Variants in SAMD3 observed in about 807,000 individuals in gnomAD.
The protein encoded by SAMD3 is sterile alpha motif domain containing 3.
SAMD3 carries 63 observed loss-of-function variants against 58.5 expected under a neutral mutation model. The observed-to-expected ratio is 1.08, with a 90% CI of 0.88 to 1.33. SAMD3 has a LOEUF of 1.33. Ranked by LOEUF, SAMD3 falls within the 40% of genes most tolerant of loss-of-function variation. SAMD3 has a pLI of 0.00. For missense variants in SAMD3, 604 were observed against 608.4 expected (o/e 0.99, Z 0.08); for synonymous variants, 220 against 210.3 (o/e 1.05, Z -0.40).
chr6:130,253,243 C>G (rs1336675349), intron 2 of SAMD3, among the ~76,000 whole-genome samples: 1 of 152,042 alleles, frequency 6.6e-6, no homozygotes, highest in East Asian at 1.9e-4. Flanking sequence ...AATAAGTGAG[C>G]TCTTTTTCTT....
At chr6:130,301,850 A>C (rs1469475846) in intron 2 of SAMD3, among the ~76,000 whole-genome samples, 2 of 152,220 alleles carry the variant, frequency 1.3e-5, no homozygotes, top group Admixed American at 6.6e-5. Flanking sequence ...CAATGGAGGA[A>C]GGACATCTTA....
chr6:130,227,186 C>A (rs1796404855), upstream of SAMD3, among the ~76,000 whole-genome samples: 1 of 152,144 alleles, frequency 6.6e-6, no homozygotes, highest in Non-Finnish European at 1.5e-5. Flanking sequence ...ATGAATTTGA[C>A]TATTTTAGGT....
intron 2 of SAMD3, among the ~76,000 whole-genome samples, chr6:130,245,927 A>T (rs968566203): frequency 6.6e-6 from 1 of 152,178 alleles, no homozygotes; most frequent in African/African-American, 2.4e-5. Flanking sequence ...AGGATGGGAA[A>T]GGTGCAATAG....
chr6:130,192,753 A>G (rs1047619238), intron 5 of SAMD3, among the ~76,000 whole-genome samples: 1 of 152,128 alleles, frequency 6.6e-6, no homozygotes, highest in Non-Finnish European at 1.5e-5. Flanking sequence ...CCCTTGGGAG[A>G]TCAATCCCCT....
intron 2 of SAMD3, among the ~76,000 whole-genome samples, chr6:130,268,286 G>C (rs952354976): frequency 1.4e-4 from 21 of 152,132 alleles, no homozygotes; most frequent in African/African-American, 4.8e-4. Flanking sequence ...GCTATACAAT[G>C]TGTTTATATT....
intron 2 of SAMD3, among the ~76,000 whole-genome samples, chr6:130,262,074 T>G (rs910207425): frequency 1.4e-5 from 2 of 147,424 alleles, no homozygotes; most frequent in African/African-American, 5.3e-5. Context: ...AAAAAAAAAA[T>G]GGTGTACCCT....
intron 1 of SAMD3, among the ~76,000 whole-genome samples, chr6:130,330,233 G>A (rs916764393): frequency 6.6e-6 from 1 of 152,122 alleles, no homozygotes; most frequent in African/African-American, 2.4e-5. Context: ...TAAATTTGAG[G>A]TGGATAACAA....
At chr6:130,365,405 C>A (rs1396660969) in exon 1 of SAMD3, 25 of 985,336 alleles carry the variant, frequency 2.5e-5, no homozygotes, top group Non-Finnish European at 2.8e-5. Context: ...GTGGACGGAG[C>A]GGGCCTTGGC....
chr6:130,145,493 G>A, intron 10 of SAMD3, 71 bp from the exon 11 acceptor site: 1 of 1,000,422 alleles, frequency 1.0e-6, no homozygotes, highest in South Asian at 1.6e-5. Context: ...AGCTAGTATT[G>A]AAACATCTGG....
chr6:130,260,595 A>C (rs1360883750), intron 2 of SAMD3, among the ~76,000 whole-genome samples: 1 of 152,184 alleles, frequency 6.6e-6, no homozygotes, highest in Middle Eastern at 3.2e-3. Context: ...TTTTGTCTGC[A>C]GCTGGCCCTG....
intron 1 of SAMD3, among the ~76,000 whole-genome samples, chr6:130,217,004 G>A (rs1361227677): frequency 6.6e-6 from 1 of 152,148 alleles, no homozygotes; most frequent in East Asian, 1.9e-4. Context: ...TGGATAAAAG[G>A]AAATTTGAAA....
chr6:130,263,707 G>A (rs1774227446), intron 2 of SAMD3, among the ~76,000 whole-genome samples: 1 of 152,100 alleles, frequency 6.6e-6, no homozygotes, highest in African/African-American at 2.4e-5. Context: ...TGCTTGCCTT[G>A]TGGAGACTTG....
chr6:130,250,265 C>T (rs1773695789), intron 2 of SAMD3, among the ~76,000 whole-genome samples: 3 of 152,112 alleles, frequency 2.0e-5, no homozygotes, highest in Non-Finnish European at 2.9e-5. Context: ...TGACATCTTC[C>T]AAAGCTTTCC....
At chr6:130,287,359 C>A (rs1372674415) in intron 2 of SAMD3, among the ~76,000 whole-genome samples, 1 of 152,136 alleles carries the variant, frequency 6.6e-6, no homozygotes, top group Non-Finnish European at 1.5e-5. Context: ...GCCTAGCATT[C>A]TTGCATTTAG....
chr6:130,205,115 A>T (rs1007035827), intron 5 of SAMD3, among the ~76,000 whole-genome samples: 3 of 148,820 alleles, frequency 2.0e-5, no homozygotes, highest in East Asian at 4.0e-4. Flanking sequence ...CTAGCCTGTT[A>T]TGGAGGAATG....
chr6:130,195,273 T>C (rs4435964), intron 5 of SAMD3, among the ~76,000 whole-genome samples: 116,133 of 151,846 alleles, frequency 0.76, 44,829 homozygotes, highest in African/African-American at 0.85. Flanking sequence ...TGACCGATTA[T>C]GCACCCCTTA....
chr6:130,154,151 AC>A (rs932341561), intron 9 of SAMD3, among the ~76,000 whole-genome samples: 11 of 151,714 alleles, frequency 7.3e-5, no homozygotes, highest in African/African-American at 2.7e-4. Flanking sequence ...ATGATCCGCC[AC>A]CCTCCACAAT....
At chr6:130,184,812 A>T (rs183838172) in intron 5 of SAMD3, among the ~76,000 whole-genome samples, 189 bp from the exon 6 acceptor site, 15 of 152,370 alleles carry the variant, frequency 9.8e-5, no homozygotes, top group Non-Finnish European at 1.6e-4. Flanking sequence ...GTCTTTGTCC[A>T]TTCACACAAC....
At chr6:130,169,328 T>C (rs537925854) in intron 8 of SAMD3, among the ~76,000 whole-genome samples, 1 of 152,288 alleles carries the variant, frequency 6.6e-6, no homozygotes, top group East Asian at 1.9e-4. Context: ...AATATTCCAT[T>C]ATAAATAGTT....
Sources: allele counts gnomAD v4.1 joint callset (sites outside exome capture counted in the v4.1 genomes callset), GRCh38; gene constraint gnomAD v4.1.1; transcripts MANE v1.5; gene names NCBI Gene and HGNC (gene_info 2026-07-23, HGNC 2026-07-21).